VPS13B: variants seen among roughly 807,000 people sequenced by gnomAD.
VPS13B encodes intermembrane lipid transfer protein VPS13B.
In VPS13B, 285 loss-of-function variants were observed where a neutral mutation model predicts 426.4. That is an observed-to-expected ratio of 0.67 (90% CI 0.61 to 0.74). VPS13B has a LOEUF of 0.74. Among genes scored for constraint, VPS13B ranks in the 30% least tolerant of loss-of-function variants. The pLI is 0.00. For synonymous variants in VPS13B, 1,676 were observed against 1,676.4 expected (o/e 1.00, Z 0.01); for missense variants, 4,537 against 4,782.6 (o/e 0.95, Z 1.51).
chr8:99,239,871 TTCC>T (rs2132882566), intron 17 of VPS13B, among the ~76,000 whole-genome samples: 1 of 152,302 alleles, frequency 6.6e-6, no homozygotes, highest in Admixed American at 6.5e-5. Flanking sequence ...GTTTCACTCT[TTCC>T]TCCTCATTTA....
chr8:99,034,360 T>C (rs1313294798), intron 2 of VPS13B, among the ~76,000 whole-genome samples: 2 of 152,074 alleles, frequency 1.3e-5, no homozygotes, highest in African/African-American at 4.8e-5. Flanking sequence ...CTCTTTGGCA[T>C]GGGATATATA....
intron 21 of VPS13B, among the ~76,000 whole-genome samples, chr8:99,395,409 G>A (rs1254964667): frequency 1.3e-5 from 2 of 152,166 alleles, no homozygotes; most frequent in Non-Finnish European, 2.9e-5. Context: ...TCCTTACACA[G>A]GGTGGAAGGC....
chr8:99,361,216 G>A (rs535800674), intron 19 of VPS13B, among the ~76,000 whole-genome samples: 11 of 152,116 alleles, frequency 7.2e-5, no homozygotes, highest in Non-Finnish European at 1.3e-4. Flanking sequence ...GAGTCTCATT[G>A]GAAAATTCAT....
At chr8:99,296,708 C>T (rs1027693195) in intron 19 of VPS13B, among the ~76,000 whole-genome samples, 3 of 151,982 alleles carry the variant, frequency 2.0e-5, no homozygotes, top group Admixed American at 6.6e-5. Context: ...CAAGGGTTGG[C>T]CCTTGTGAAT....
intron 33 of VPS13B, among the ~76,000 whole-genome samples, chr8:99,593,229 C>A (rs1441518768): frequency 2.6e-5 from 4 of 151,870 alleles, no homozygotes; most frequent in African/African-American, 7.3e-5. Flanking sequence ...AAAAAAACAA[C>A]CCCATTAAAA....
At chr8:99,849,698 A>G (rs1025576475) in intron 55 of VPS13B, among the ~76,000 whole-genome samples, 2 of 152,208 alleles carry the variant, frequency 1.3e-5, no homozygotes, top group Non-Finnish European at 2.9e-5. Context: ...ACAGTGAGAG[A>G]TATCACACAG....
At chr8:99,320,440 G>T (rs1809915383) in intron 19 of VPS13B, among the ~76,000 whole-genome samples, 1 of 151,804 alleles carries the variant, frequency 6.6e-6, no homozygotes, top group Non-Finnish European at 1.5e-5. Flanking sequence ...CTGTGATTTT[G>T]GCCAATTAAT....
intron 19 of VPS13B, among the ~76,000 whole-genome samples, chr8:99,364,194 G>A (rs1462494461): frequency 1.3e-5 from 2 of 152,152 alleles, no homozygotes; most frequent in African/African-American, 4.8e-5. Context: ...TTTATCAAAT[G>A]CTTTTTCAAA....
At chr8:99,256,677 A>G (rs1257942342) in intron 17 of VPS13B, among the ~76,000 whole-genome samples, 4 of 151,994 alleles carry the variant, frequency 2.6e-5, no homozygotes, top group South Asian at 2.1e-4. Flanking sequence ...CTTATTATCC[A>G]TTTGCATATC....
chr8:99,857,599 C>T (rs1459510367), intron 56 of VPS13B, among the ~76,000 whole-genome samples: 1 of 152,122 alleles, frequency 6.6e-6, no homozygotes, highest in Admixed American at 6.5e-5. Context: ...AAACCCAGCC[C>T]ACAGGTGGAT....
intron 3 of VPS13B, among the ~76,000 whole-genome samples, chr8:99,092,911 T>C (rs1001993647): frequency 6.6e-5 from 10 of 151,988 alleles, no homozygotes; most frequent in Non-Finnish European, 1.3e-4. Flanking sequence ...AATAAATACA[T>C]GTAGTTTGCA....
intron 3 of VPS13B, among the ~76,000 whole-genome samples, chr8:99,055,741 T>C (rs2132281271): frequency 6.6e-6 from 1 of 152,194 alleles, no homozygotes; most frequent in South Asian, 2.1e-4. Flanking sequence ...TTTATTTATT[T>C]ATTTTTGAGA....
intron 2 of VPS13B, among the ~76,000 whole-genome samples, chr8:99,032,314 A>C (rs1056728754): frequency 3.9e-5 from 6 of 152,168 alleles, no homozygotes; most frequent in Non-Finnish European, 8.8e-5. Context: ...ATTGGGTACC[A>C]TTTTGATTGA....
intron 20 of VPS13B, among the ~76,000 whole-genome samples, chr8:99,387,181 T>C (rs773428386): frequency 5.3e-5 from 8 of 152,148 alleles, no homozygotes; most frequent in African/African-American, 9.7e-5. Flanking sequence ...ATCACCAAAT[T>C]GCTTCCAAAA....
At chr8:99,056,116 G>A (rs181883716) in intron 3 of VPS13B, among the ~76,000 whole-genome samples, 33 of 151,910 alleles carry the variant, frequency 2.2e-4, no homozygotes, top group African/African-American at 7.0e-4. Flanking sequence ...GAGTGCAGTG[G>A]TGTGATCTCA....
chr8:99,244,696 G>T (rs1817118818), intron 17 of VPS13B, among the ~76,000 whole-genome samples: 2 of 152,252 alleles, frequency 1.3e-5, no homozygotes, highest in African/African-American at 4.8e-5. Flanking sequence ...AACACTAAGA[G>T]TATTCATCAT....
At chr8:99,467,388 C>T in intron 23 of VPS13B, 26 bp from the exon 24 acceptor site, 1 of 1,602,800 alleles carries the variant, frequency 6.2e-7, no homozygotes, top group Non-Finnish European at 8.5e-7. Flanking sequence ...GTGTGCTTCC[C>T]TATTCCCTTT....
chr8:99,816,464 T>C (rs1265731454), intron 44 of VPS13B, among the ~76,000 whole-genome samples: 1 of 152,178 alleles, frequency 6.6e-6, no homozygotes, highest in East Asian at 1.9e-4. Flanking sequence ...TAAAGTTGAA[T>C]AACCCATAGG....
chr8:99,725,643 G>A (rs1452618543), intron 39 of VPS13B, among the ~76,000 whole-genome samples: 1 of 152,162 alleles, frequency 6.6e-6, no homozygotes, highest in East Asian at 1.9e-4. Context: ...ATGTTGACTG[G>A]ATAAACGAAT....
Sources: allele counts gnomAD v4.1 joint callset (sites outside exome capture counted in the v4.1 genomes callset), GRCh38; gene constraint gnomAD v4.1.1; transcripts MANE v1.5; gene names NCBI Gene and HGNC (gene_info 2026-07-23, HGNC 2026-07-21).